LCT: variants seen among roughly 807,000 people sequenced by gnomAD.
LCT encodes the protein lactase, also known as lactase/phlorizin hydrolase.
LCT carries 90 observed loss-of-function variants against 173.0 expected under a neutral mutation model. That is an observed-to-expected ratio of 0.52 (90% CI 0.44 to 0.62). The LOEUF (loss-of-function observed/expected upper bound fraction) is 0.62, where lower values mean the gene tolerates loss of function less well. Ranked by LOEUF, LCT falls within the 20% of genes least tolerant of loss-of-function variation. The pLI is 0.00. For synonymous variants in LCT, 853 were observed against 957.6 expected, an observed-to-expected ratio of 0.89 and a Z score of 2.02; for missense variants, 1,864 against 2,431.4, an observed-to-expected ratio of 0.77 and a Z score of 4.91.
rs73958638 is a variant in LCT, at chr2:135,789,497, A to G, written c.5563+74T>C. 0.093 allele frequency: 96,459 copies of G among 1,041,366 alleles called. 6,421 individuals carry two copies. Among genetic ancestry groups the G allele is most frequent in the South Asian group, 0.23 (17,652 of 77,076 alleles). The allele number at this position is 1,041,366 out of a possible 1,614,324, so 64.5% of individuals were successfully genotyped here. On this transcript the variant is annotated intron_variant, in intron 16 of 16. Coordinates refer to ENST00000264162, the MANE Select transcript of LCT (RefSeq NM_002299.4). ...AGAGAGGAGGGTAATAAACTAGAAG[A>G]AAACAGACTGAGAGAGGCCCTTCCA... is the stretch of plus-strand genomic sequence containing the variant.
At chr2:135,824,060 A>T in intron 3 of LCT, 57 bp from the exon 4 acceptor site, 1 of 1,137,172 alleles carries the variant, frequency 8.8e-7, no homozygotes, top group Non-Finnish European at 1.3e-6. Flanking sequence ...CATCTTGATA[A>T]CAGGGACAGA....
intron 3 of LCT, 44 bp from the exon 4 acceptor site, chr2:135,824,047 A>C (rs560311952): frequency 7.8e-7 from 1 of 1,277,720 alleles, no homozygotes; most frequent in South Asian, 1.2e-5. Flanking sequence ...GCCTCCTGGA[A>C]AGCATCTTGA....
In LCT at chr2:135,790,452, G is replaced by A. The variant is rs955785674; in HGVS notation, c.5335+206C>T. Among the ~76,000 whole-genome samples the A allele has an allele frequency of 6.6e-6, 1 of 152,200 alleles. No homozygotes were observed. Among genetic ancestry groups the A allele is most frequent in the Non-Finnish European group, 1.5e-5 (1 of 68,040 alleles). On this transcript the variant is annotated intron_variant, in intron 15 of 16. Transcript: ENST00000264162. The surrounding 1 kb of genome is among the most constrained non-coding windows in gnomAD (Gnocchi z 4.1). ...AGGAACTAGGGTTTGGTGGCATCAGGCCACTGGGCTTGCTTGCTGAGCTTA... is the reference window on the plus strand; with the variant it reads ...AGGAACTAGGGTTTGGTGGCATCAGACCACTGGGCTTGCTTGCTGAGCTTA...
chr2:135,826,517 G>A (rs532018985), intron 3 of LCT, among the ~76,000 whole-genome samples: 2 of 151,996 alleles, frequency 1.3e-5, no homozygotes, highest in Non-Finnish European at 2.9e-5. Flanking sequence ...AGTGAGCCGA[G>A]ATCATGCCAC....
chr2:135,808,915 G>T lies in LCT; in HGVS notation c.3432C>A (p.Asp1144Glu), dbSNP rs1391388446. ...PGVPRDVEAA[D>E]RMLQFSLGWF... ...AGCCCAGGGAGAACTGCAGCATTCGGTCAGCGGCTTCCACATCTCTGGGGA... is the reference window on the plus strand; with the variant it reads ...AGCCCAGGGAGAACTGCAGCATTCGTTCAGCGGCTTCCACATCTCTGGGGA... The change falls in exon 8 of 17, where the codon GAC becomes GAA. Residue 1144 changes from aspartate to glutamate, a missense_variant. Asp to Glu is a conservative substitution (Grantham distance 45, BLOSUM62 2). Around this residue, in one of 4 missense-constraint regions of LCT, gnomAD observed 755 missense variants for 926.3 expected, o/e 0.82. Coordinates refer to ENST00000264162, the MANE Select transcript of LCT (RefSeq NM_002299.4). 2 of 1,614,114 alleles carry T rather than the reference G, an allele frequency of 1.2e-6. No individual in the cohort carries two copies. The highest frequency in any genetic ancestry group is 1.7e-6 in the Non-Finnish European group (2 of 1,180,038).
rs1679404367 is a variant in LCT, at chr2:135,836,762, G to C, written c.408C>G (p.Leu136=). ...QPMVILHHQT[L]PASTLRRTEA... Reference sequence around the variant, plus strand: ...CGGTTCTCCGGAGGGTGCTGGCAGGGAGGGTCTGGTGGTGCAGGATGACCA... The same window carrying C: ...CGGTTCTCCGGAGGGTGCTGGCAGGCAGGGTCTGGTGGTGCAGGATGACCA... The change falls in exon 1 of 17, where the codon CTC becomes CTG. Residue 136 remains leucine (L), a synonymous_variant. Transcript: ENST00000264162. The C allele has an allele frequency of 1.2e-6, 2 of 1,614,106 alleles. No homozygotes were observed. The highest frequency in any genetic ancestry group is 1.3e-5 in the African/African-American group (1 of 74,940).
At chr2:135,825,188 T>G (rs1374090155) in intron 3 of LCT, among the ~76,000 whole-genome samples, 1 of 152,162 alleles carries the variant, frequency 6.6e-6, no homozygotes, top group Non-Finnish European at 1.5e-5. Flanking sequence ...TCACAGTAAC[T>G]TTTTCCTCCT....
rs377102890 is a variant in LCT, at chr2:135,817,652, C to G, written c.1396G>C (p.Gly466Arg). Residue 466 changes from glycine to arginine, a missense_variant, in exon 6 of 17, where the codon GGG becomes CGG. By Grantham distance (125) the Gly-to-Arg change is moderately radical. Around this residue, in one of 4 missense-constraint regions of LCT, gnomAD observed 183 missense variants for 293.1 expected, o/e 0.62. Transcript: ENST00000264162. Reference protein sequence around the residue: ...SWSRIFPMGHGSSPSLPGVAY... With the variant: ...SWSRIFPMGHRSSPSLPGVAY... Reference sequence around the variant, plus strand: ...ACGCCTGGGAGGCTGGGGCTGCTCCCGTGCCCCATGGGGAAGATCCGGGAC... The same window carrying G: ...ACGCCTGGGAGGCTGGGGCTGCTCCGGTGCCCCATGGGGAAGATCCGGGAC... 3.1e-6 allele frequency: 5 copies of G among 1,613,838 alleles called. No homozygotes were observed. The South Asian group carries it at 4.4e-5, about 14-fold the overall frequency.
At chr2:135,805,126 GGGT>G in intron 9 of LCT, 69 bp from the exon 10 acceptor site, 1 of 1,421,738 alleles carries the variant, frequency 7.0e-7, no homozygotes. Context: ...TTCTTTCACT[GGGT>G]GAGTCTCAAG....
At chr2:135,836,382 A>G (rs1206167379) in intron 1 of LCT, 148 bp downstream of exon 1, 2 of 788,322 alleles carry the variant, frequency 2.5e-6, no homozygotes, top group Admixed American at 3.7e-5. Flanking sequence ...TGGGAAATCA[A>G]TTTACAATAT....
chr2:135,811,180 A>G (rs1036722172), intron 7 of LCT, among the ~76,000 whole-genome samples: 1 of 152,106 alleles, frequency 6.6e-6, no homozygotes, highest in Non-Finnish European at 1.5e-5. Context: ...TACTCCTCAG[A>G]GCAAGACCCT....
At position 135,790,541 on chromosome 2, in the gene LCT, A is replaced by G. The variant is rs1009171179; in HGVS notation, c.5335+117T>C. On this transcript the variant is annotated intron_variant, in intron 15 of 16. Coordinates refer to ENST00000264162, the MANE Select transcript of LCT (RefSeq NM_002299.4). This position sits in a 1 kb window ranked among gnomAD's most constrained non-coding sequence, Gnocchi z 4.1. ...GCAAAGCTTAACCCCCACAGGAGCA[A>G]GAAGGCTTATCGTTCTCTTCTTACT... The G allele has an allele frequency of 1.1e-5, 8 of 700,386 alleles. No homozygotes were observed. The highest frequency in any genetic ancestry group is 9.7e-5 in the Admixed American group (4 of 41,286). The allele number at this position is 700,386 out of a possible 1,614,324, so 43.4% of individuals were successfully genotyped here. A position where few individuals can be genotyped will look rare whatever the true frequency, so the allele number is the denominator to read the frequency against.
chr2:135,829,507 T>C (rs910629864), intron 3 of LCT, 86 bp downstream of exon 3: 6 of 995,246 alleles, frequency 6.0e-6, no homozygotes, highest in Non-Finnish European at 9.7e-6. Flanking sequence ...GTTCAGTTTA[T>C]GCAGTAGCCA....
At position 135,823,924 on chromosome 2, in the gene LCT, C is replaced by T; in HGVS notation, c.884G>A (p.Ser295Asn). The T allele has an allele frequency of 6.2e-7, 1 of 1,613,372 alleles. No homozygotes were observed. The highest frequency in any genetic ancestry group is 8.5e-7 in the Non-Finnish European group (1 of 1,179,270). Residue 295 changes from serine to asparagine, a missense_variant, in exon 4 of 17, where the codon AGT becomes AAT. By Grantham distance (46) the Ser-to-Asn change is conservative. Coordinates refer to ENST00000264162, the MANE Select transcript of LCT (RefSeq NM_002299.4). ...ACCTTCAAAAAGGCTGAAGAGCAGA[C>T]TGGCTGGGTTCTTCATGGTGGAGGG... ...DCPSTMKNPA[S>N]LLFSLFEAIN...
Position 135,829,727 on chromosome 2 carries a change from T to A in LCT, c.721-51A>T, listed in dbSNP as rs7586189. ...ATTAGAACCTAAGCACTGTCAAGACTAACAGCCTCTCAGAAGTACGCTTTT... is the reference window on the plus strand; with the variant it reads ...ATTAGAACCTAAGCACTGTCAAGACAAACAGCCTCTCAGAAGTACGCTTTT... On this transcript the variant is annotated intron_variant, in intron 2 of 16. Transcript: ENST00000264162. The A allele has an allele frequency of 3.5e-3, 4,173 of 1,204,658 alleles. 106 individuals carry two copies. The African/African-American group carries it at 0.056, about 16-fold the overall frequency. 74.6% of individuals were successfully genotyped at this position (1,204,658 alleles called of 1,614,324 possible). A position where few individuals can be genotyped will look rare whatever the true frequency, so the allele number is the denominator to read the frequency against.
At chr2:135,814,521 C>CT (rs112239469) in intron 6 of LCT, among the ~76,000 whole-genome samples, 1,988 of 144,362 alleles carry the variant, frequency 0.014, 42 homozygotes, top group African/African-American at 0.044. Context: ...AATAAAATAC[C>CT]TTTTTTTTTT....
chr2:135,817,908 A>G lies in LCT; in HGVS notation c.1140T>C (p.Asp380=). 1 of 1,614,032 alleles carries G rather than the reference A, an allele frequency of 6.2e-7. No homozygotes were observed. Among genetic ancestry groups the G allele is most frequent in the Non-Finnish European group, 8.5e-7 (1 of 1,179,990 alleles). The change falls in exon 6 of 17, where the codon GAT becomes GAC. Residue 380 remains aspartate, a synonymous_variant. Coordinates refer to ENST00000264162, the MANE Select transcript of LCT (RefSeq NM_002299.4). ...CCCAGAGGAAGCCTTCAGGGAAAGT[A>G]TCCTGCAGGAAGGCATCCCTTTCCG... ...SRAERDAFLQ[D]TFPEGFLWGA...
rs7564675 is a variant in LCT at position 135,788,554 on chromosome 2, T to A, written c.5564-10A>T. ...ATGGTGGGTCCAGCATCTAGGAGAG[T>A]GTGACACAGGGTGGTTGGTGCTCTG... On this transcript the variant is annotated splice_polypyrimidine_tract_variant and intron_variant, in intron 16 of 16. Transcript: ENST00000264162. The A allele has an allele frequency of 5.1e-6, 8 of 1,554,210 alleles. No homozygotes were observed. The highest frequency in any genetic ancestry group is 1.7e-5 in the Admixed American group (1 of 59,904).
chr2:135,834,911 T>C (rs2077973425), intron 1 of LCT, among the ~76,000 whole-genome samples: 1 of 150,324 alleles, frequency 6.7e-6, no homozygotes, highest in Non-Finnish European at 1.5e-5. Context: ...TAATAAAATA[T>C]AGCATTTGAA....
Sources: allele counts gnomAD v4.1 joint callset (sites outside exome capture counted in the v4.1 genomes callset), GRCh38; gene constraint gnomAD v4.1.1; regional missense constraint gnomAD v4.1.1; non-coding constraint Gnocchi (gnomAD v3.1); transcripts MANE v1.5; gene names NCBI Gene and HGNC (gene_info 2026-07-23, HGNC 2026-07-21).